The following SPIDR variants were observed in gnomAD, a reference collection of about 807,000 sequenced individuals.
SPIDR encodes the protein scaffold protein involved in DNA repair.
A neutral mutation model predicts 104.6 loss-of-function variants in SPIDR; 93 were observed. The observed-to-expected ratio is 0.89, with a 90% CI of 0.75 to 1.06. The LOEUF (loss-of-function observed/expected upper bound fraction) is 1.06, where lower values mean the gene tolerates loss of function less well. Among genes scored for constraint, SPIDR ranks in the 50% least tolerant of loss-of-function variants. The pLI is 0.00. For missense variants in SPIDR, 1,154 were observed against 1,111.2 expected, an observed-to-expected ratio of 1.04 and a Z score of -0.55; for synonymous variants, 431 against 416.9, an observed-to-expected ratio of 1.03 and a Z score of -0.41.
At chr8:47,711,825 TATTC>T (rs1236385110) in intron 14 of SPIDR, among the ~76,000 whole-genome samples, 2 of 152,222 alleles carry the variant, frequency 1.3e-5, no homozygotes, top group Admixed American at 1.3e-4. Flanking sequence ...CAATATTACT[TATTC>T]ATACTTCCTG....
chr8:47,669,723 C>T lies in SPIDR; in HGVS notation c.1545-4078C>T, dbSNP rs183741632. ...CATAGGTTAAAAAAATAACACAGGC[C>T]GGGCACAGTGACTCACGCCTGTAAT... On this transcript the variant is annotated intron_variant, in intron 10 of 19. Coordinates refer to ENST00000297423, the MANE Select transcript of SPIDR (RefSeq NM_001080394.4). Among the ~76,000 whole-genome samples, 498 of 152,220 alleles carry T rather than the reference C, an allele frequency of 3.3e-3. 5 individuals carry two copies. The highest frequency in any genetic ancestry group is 2.5e-3 in the South Asian group (12 of 4,822).
chr8:47,358,958 A>G (rs1435250900), intron 5 of SPIDR, among the ~76,000 whole-genome samples: 1 of 152,116 alleles, frequency 6.6e-6, no homozygotes, highest in Non-Finnish European at 1.5e-5. Flanking sequence ...GGTGGAGGCA[A>G]TTGGAGTTAA....
intron 5 of SPIDR, among the ~76,000 whole-genome samples, chr8:47,370,107 G>A (rs1375454285): frequency 6.6e-6 from 1 of 152,040 alleles, no homozygotes; most frequent in African/African-American, 2.4e-5. Context: ...GGTCTTGTAG[G>A]CACAACGATA....
chr8:47,381,311 C>G (rs781815737), intron 5 of SPIDR, among the ~76,000 whole-genome samples: 1 of 152,200 alleles, frequency 6.6e-6, no homozygotes, highest in Non-Finnish European at 1.5e-5. Flanking sequence ...ATTGACCTGT[C>G]AGCCACCAGT....
At chr8:47,383,249 C>T (rs1244105470) in intron 5 of SPIDR, among the ~76,000 whole-genome samples, 1 of 152,164 alleles carries the variant, frequency 6.6e-6, no homozygotes, top group African/African-American at 2.4e-5. Context: ...TATTTTATTT[C>T]TTCTTTCTTT....
At chr8:47,268,992 C>A (rs1200307790) in intron 1 of SPIDR, among the ~76,000 whole-genome samples, 1 of 151,818 alleles carries the variant, frequency 6.6e-6, no homozygotes, top group Non-Finnish European at 1.5e-5. Flanking sequence ...CATGGTAAAA[C>A]TGAGTCTCTA....
At chr8:47,353,075 A>G (rs2053861303) in intron 5 of SPIDR, among the ~76,000 whole-genome samples, 3 of 150,354 alleles carry the variant, frequency 2.0e-5, no homozygotes, top group African/African-American at 7.3e-5. Flanking sequence ...AAAAAAAAAA[A>G]GTTATTCTTT....
intron 5 of SPIDR, among the ~76,000 whole-genome samples, chr8:47,320,791 A>G (rs1380784479): frequency 6.6e-6 from 1 of 152,154 alleles, no homozygotes; most frequent in Non-Finnish European, 1.5e-5. Context: ...GGCAGGTTCA[A>G]CATATGCAAA....
intron 5 of SPIDR, among the ~76,000 whole-genome samples, chr8:47,349,681 C>T (rs782372146): frequency 7.9e-5 from 12 of 152,324 alleles, no homozygotes; most frequent in African/African-American, 2.2e-4. Flanking sequence ...CAATGGCAGT[C>T]GCACCTCCCC....
chr8:47,421,119 T>C (rs1202676175), intron 7 of SPIDR, among the ~76,000 whole-genome samples: 2 of 152,234 alleles, frequency 1.3e-5, no homozygotes, highest in Non-Finnish European at 2.9e-5. Context: ...AGTATCTTTG[T>C]GCTGTTCTCT....
intron 8 of SPIDR, among the ~76,000 whole-genome samples, chr8:47,551,253 A>G (rs1286447256): frequency 6.6e-6 from 1 of 152,194 alleles, no homozygotes; most frequent in Non-Finnish European, 1.5e-5. Context: ...TGTCTCTGCC[A>G]GGCTTTGGTA....
intron 5 of SPIDR, among the ~76,000 whole-genome samples, chr8:47,304,263 T>A (rs1463137643): frequency 1.3e-5 from 2 of 152,136 alleles, no homozygotes; most frequent in African/African-American, 4.8e-5. Flanking sequence ...TGGGGCCTGG[T>A]GGAAGGTGAC....
At chr8:47,565,992 ATTTTTTTTTTTTTTTTT>A (rs768002878) in intron 8 of SPIDR, among the ~76,000 whole-genome samples, 1 of 14,950 alleles carries the variant, frequency 6.7e-5, no homozygotes, top group African/African-American at 1.6e-4. Context: ...ATATATATAT[ATTTTTTTTTTTTTTTTT>A]TTTTTTTTTT....
intron 8 of SPIDR, among the ~76,000 whole-genome samples, chr8:47,498,122 A>G (rs1480728087): frequency 6.6e-6 from 1 of 152,228 alleles, no homozygotes; most frequent in African/African-American, 2.4e-5. Flanking sequence ...TGTTGAAACA[A>G]AGAAAAAGAC....
intron 7 of SPIDR, among the ~76,000 whole-genome samples, chr8:47,433,268 T>C (rs1245058023): frequency 3.3e-5 from 5 of 152,210 alleles, no homozygotes; most frequent in African/African-American, 4.8e-5. Context: ...CCTGGATTGC[T>C]GCAGACCCTC....
chr8:47,504,292 C>T (rs2081099448), intron 8 of SPIDR, among the ~76,000 whole-genome samples: 1 of 152,186 alleles, frequency 6.6e-6, no homozygotes, highest in Non-Finnish European at 1.5e-5. Flanking sequence ...TAGATTTGGT[C>T]TTTTCACATA....
Position 47,312,037 on chromosome 8 carries a change from A to G in SPIDR, c.525+18007A>G, listed in dbSNP as rs188463487. ...TTCCAGTTTGATCCATGTCCCTACA[A>G]AGGACATGAACTCTTCATTTTTTAT... On this transcript the variant is annotated intron_variant, in intron 5 of 19. Transcript: ENST00000297423. Among the ~76,000 whole-genome samples, 6 of 152,312 alleles carry G rather than the reference A, an allele frequency of 3.9e-5. No individual in the cohort carries two copies. In the East Asian group the frequency reaches 1.2e-3, roughly 29 times the overall value.
At chr8:47,351,758 G>T (rs1207139326) in intron 5 of SPIDR, among the ~76,000 whole-genome samples, 1 of 152,180 alleles carries the variant, frequency 6.6e-6, no homozygotes, top group East Asian at 1.9e-4. Context: ...ATTGTGTTAG[G>T]CATTATAACT....
At chr8:47,396,894 G>T (rs562185870) in intron 6 of SPIDR, among the ~76,000 whole-genome samples, 6 of 152,250 alleles carry the variant, frequency 3.9e-5, no homozygotes, top group African/African-American at 1.4e-4. Flanking sequence ...TAATTGTTCT[G>T]TTCTTGAGTA....
Sources: allele counts gnomAD v4.1 joint callset (sites outside exome capture counted in the v4.1 genomes callset), GRCh38; gene constraint gnomAD v4.1.1; transcripts MANE v1.5; gene names NCBI Gene and HGNC (gene_info 2026-07-23, HGNC 2026-07-21).